Variants in C18orf63 observed in about 807,000 individuals in gnomAD.
The protein encoded by C18orf63 is uncharacterized protein C18orf63.
A neutral mutation model predicts 75.3 loss-of-function variants in C18orf63; 50 were observed. The ratio of observed to expected loss-of-function variants is 0.66; its 90% CI spans 0.53 to 0.84. The LOEUF (loss-of-function observed/expected upper bound fraction) is 0.84. Among genes scored for constraint, C18orf63 ranks in the 40% least tolerant of loss-of-function variants. The pLI, the probability that C18orf63 is intolerant of heterozygous loss-of-function variation, is 0.00. For missense variants in C18orf63, 732 were observed against 800.2 expected (o/e 0.91, Z 1.03); for synonymous variants, 232 against 267.6 (o/e 0.87, Z 1.30).
In C18orf63 at chr18:74,322,699, T is replaced by A. The variant is rs941574307; in HGVS notation, c.215T>A (p.Ile72Lys). 1 of 1,281,700 alleles carries A rather than the reference T, an allele frequency of 7.8e-7. No individual in the cohort carries two copies. The highest frequency in any genetic ancestry group is 1.5e-5 in the African/African-American group (1 of 67,486). The allele number at this position is 1,281,700 out of a possible 1,614,324, so 79.4% of individuals were successfully genotyped here. A position where few individuals can be genotyped will look rare whatever the true frequency, so the allele number is the denominator to read the frequency against. The change falls in exon 4 of 14, where the codon ATA becomes AAA. Residue 72 changes from isoleucine to lysine, a missense_variant and splice_region_variant. Coordinates refer to ENST00000579455, the MANE Select transcript of C18orf63 (RefSeq NM_001174123.2). ...TATAAATGTGGATTTTTGTTACAGATACCATTTTATAAAGCAAGAAAACTT... is the reference window on the plus strand; with the variant it reads ...TATAAATGTGGATTTTTGTTACAGAAACCATTTTATAAAGCAAGAAAACTT... ...ILNQIWVVMA[I>K]PFYKARKLNA...
Position 74,344,827 on chromosome 18 carries a change from GA to G in C18orf63, c.978+1127del, listed in dbSNP as rs1242222073. On this transcript the variant is annotated intron_variant, in intron 11 of 13. Transcript: ENST00000579455. Reference sequence around the variant, plus strand: ...GCAATTTATTCAGAATATTATTGATGAATATTTGGATTGTTTCTCTTTGGAG... The same window carrying G: ...GCAATTTATTCAGAATATTATTGATGATATTTGGATTGTTTCTCTTTGGAG... 5.9e-5 allele frequency among the ~76,000 whole-genome samples: 9 copies of G among 152,116 alleles called. No individual in the cohort carries two copies. The East Asian group carries it at 1.7e-3, about 29-fold the overall frequency.
In C18orf63 at chr18:74,358,367, A is replaced by G. The variant is rs932135864; in HGVS notation, c.*1920A>G. The G allele has an allele frequency of 3.9e-5, 6 of 152,112 alleles. No individual in the cohort carries two copies. The highest frequency in any genetic ancestry group is 1.4e-4 in the African/African-American group (6 of 41,408). 9.4% of individuals were successfully genotyped at this position (152,112 alleles called of 1,614,324 possible). ...ATGAAAGTTATAAAAATATATGCATATATTTATATGTGAGATTTAATATAG... is the reference window on the plus strand; with the variant it reads ...ATGAAAGTTATAAAAATATATGCATGTATTTATATGTGAGATTTAATATAG... On this transcript the variant is annotated 3_prime_UTR_variant, in exon 14 of 14. Coordinates refer to ENST00000579455, the MANE Select transcript of C18orf63 (RefSeq NM_001174123.2).
At chr18:74,351,122 A>G (rs1984659238) in intron 11 of C18orf63, among the ~76,000 whole-genome samples, 1 of 152,196 alleles carries the variant, frequency 6.6e-6, no homozygotes, top group Admixed American at 6.5e-5. Flanking sequence ...CCAGATAAGA[A>G]ATGAATCCCA....
At chr18:74,355,512 G>T (rs189468770) in intron 13 of C18orf63, among the ~76,000 whole-genome samples, 2 of 152,044 alleles carry the variant, frequency 1.3e-5, no homozygotes, top group Admixed American at 6.6e-5. Context: ...CAGGAGGGGG[G>T]GCTTACACCT....
At chr18:74,328,192 T>G (rs959394768) in intron 5 of C18orf63, 134 bp downstream of exon 5, 6 of 596,030 alleles carry the variant, frequency 1.0e-5, no homozygotes, top group Non-Finnish European at 1.8e-5. Context: ...GTTTAGTGGA[T>G]TCACAGTTCC....
Position 74,337,155 on chromosome 18 carries a change from C to T in C18orf63, c.502-1560C>T, listed in dbSNP as rs551096403. 3.0e-4 allele frequency among the ~76,000 whole-genome samples: 45 copies of T among 152,076 alleles called. No homozygotes were observed. The East Asian group carries it at 4.1e-3, about 14-fold the overall frequency. On this transcript the variant is annotated intron_variant, in intron 7 of 13. Coordinates refer to ENST00000579455, the MANE Select transcript of C18orf63 (RefSeq NM_001174123.2). The stretch of plus-strand genomic sequence containing the variant: ...ATTAAGTCTAAATTGTTCAGATTGG[C>T]GTTATAAGGAGAAAATAATATTTAT...
At chr18:74,345,220 T>C (rs796347889) in intron 11 of C18orf63, among the ~76,000 whole-genome samples, 1 of 146,754 alleles carries the variant, frequency 6.8e-6, no homozygotes, top group Non-Finnish European at 1.5e-5. Context: ...TCTACTGTGT[T>C]ACGTGTTTGT....
intron 7 of C18orf63, among the ~76,000 whole-genome samples, chr18:74,336,397 G>A (rs1599005159): frequency 6.6e-6 from 1 of 152,076 alleles, no homozygotes. Flanking sequence ...AAAAGAAAAT[G>A]TCTGAGGGAA....
Position 74,353,846 on chromosome 18 carries a change from T to C in C18orf63, c.1579T>C (p.Ser527Pro), listed in dbSNP as rs757662988. The C allele has an allele frequency of 4.6e-6, 7 of 1,536,012 alleles. No individual in the cohort carries two copies. The South Asian group carries it at 8.3e-5, about 18-fold the overall frequency. The change falls in exon 12 of 14, where the codon TCT (serine) becomes CCT (proline). Residue 527 changes from serine (S) to proline (P), a missense_variant. By Grantham distance (74) the Ser-to-Pro change is moderately conservative (BLOSUM62 -1). This residue lies in a region of C18orf63 where 495 missense variants were observed against 508.7 expected (regional missense o/e 0.97). Coordinates refer to ENST00000579455, the MANE Select transcript of C18orf63 (RefSeq NM_001174123.2). ...TTCTGAAAATATGACAAAATTTCCC[T>C]CTTCTCGTGGAAAATCGACTGTGAG... ...ESSENMTKFP[S>P]SRGKSTVSLN...
intron 10 of C18orf63, among the ~76,000 whole-genome samples, chr18:74,342,962 GT>G (rs1386195035): frequency 6.6e-6 from 1 of 152,026 alleles, no homozygotes; most frequent in Admixed American, 6.5e-5. Context: ...TGCGTTCTTT[GT>G]TTCCTAAGCC....
Position 74,353,965 on chromosome 18 carries a change from G to T in C18orf63, c.1698G>T (p.Met566Ile), listed in dbSNP as rs747970356. The T allele has an allele frequency of 9.1e-6, 14 of 1,536,204 alleles. No homozygotes were observed. The South Asian group carries it at 1.7e-4, about 18-fold the overall frequency. The part of the protein sequence containing the change: ...GVVKSAVDFQ[M>I]KGKENLTGKG... ...TAAAAAGTGCTGTTGACTTCCAAAT[G>T]AAAGGAAAAGAAAATTTAACAGGCA... The change falls in exon 12 of 14, where the codon ATG becomes ATT. Residue 566 changes from methionine (M) to isoleucine (I), a missense_variant. By Grantham distance (10) the Met-to-Ile change is conservative. Around this residue, in one of 3 missense-constraint regions of C18orf63, gnomAD observed 495 missense variants for 508.7 expected, o/e 0.97. Coordinates refer to ENST00000579455, the MANE Select transcript of C18orf63 (RefSeq NM_001174123.2).
rs1263277813 is a variant in C18orf63 at position 74,353,608 on chromosome 18, C to T, written c.1341C>T (p.Asn447=). Residue 447 remains asparagine (N), a synonymous_variant, in exon 12 of 14, where the codon AAC becomes AAT. Transcript: ENST00000579455. ...TCAAAAATAGATTGTTACAAATGAA[C>T]AAAAATACCTCAGTACTTGGCAGCC... ...PVFKNRLLQM[N]KNTSVLGSPK... 21 of 1,536,018 alleles carry T rather than the reference C, an allele frequency of 1.4e-5. No individual in the cohort carries two copies. The highest frequency in any genetic ancestry group is 1.8e-5 in the Non-Finnish European group (21 of 1,146,872).
rs187988112 is a variant in C18orf63 at position 74,353,194 on chromosome 18, T to C, written c.979-52T>C. On this transcript the variant is annotated intron_variant, in intron 11 of 13. Transcript: ENST00000579455. ...TACTTTATATTTTATTTCTTTTCCATTAAGGACATTATTAACATTTTAAAT... is the reference window on the plus strand; with the variant it reads ...TACTTTATATTTTATTTCTTTTCCACTAAGGACATTATTAACATTTTAAAT... The C allele has an allele frequency of 1.6e-4, 183 of 1,111,690 alleles. 2 individuals are homozygous for C. In the East Asian group the frequency reaches 4.2e-3, roughly 26 times the overall value. The allele number at this position is 1,111,690 out of a possible 1,614,324, so 68.9% of individuals were successfully genotyped here. A position where few individuals can be genotyped will look rare whatever the true frequency, so the allele number is the denominator to read the frequency against.
At chr18:74,355,593 C>A (rs1416894313) in intron 13 of C18orf63, among the ~76,000 whole-genome samples, 4 of 152,008 alleles carry the variant, frequency 2.6e-5, no homozygotes, top group African/African-American at 9.7e-5. Flanking sequence ...CCAGCCTGGG[C>A]AACATGGGTG....
rs1004661351 is a variant in C18orf63, at chr18:74,353,862, C to T, written c.1595C>T (p.Ser532Leu). The T allele has an allele frequency of 2.0e-5, 30 of 1,535,886 alleles. 1 individual carries two copies. Among genetic ancestry groups the T allele is most frequent in the Middle Eastern group, 3.3e-4 (2 of 5,988 alleles). Residue 532 changes from serine to leucine, a missense_variant, in exon 12 of 14, where the codon TCG becomes TTG. By Grantham distance (145) the Ser-to-Leu change is moderately radical. Coordinates refer to ENST00000579455, the MANE Select transcript of C18orf63 (RefSeq NM_001174123.2). ...MTKFPSSRGK[S>L]TVSLNKNKQL... ...AAATTTCCCTCTTCTCGTGGAAAAT[C>T]GACTGTGAGTTTAAACAAAAATAAG...
Position 74,358,122 on chromosome 18 carries a change from A to G in C18orf63, c.*1675A>G, listed in dbSNP as rs900650383. 3 of 152,178 alleles carry G rather than the reference A, an allele frequency of 2.0e-5. No individual in the cohort carries two copies. The highest frequency in any genetic ancestry group is 7.2e-5 in the African/African-American group (3 of 41,440). The allele number at this position is 152,178 out of a possible 1,614,324, so 9.4% of individuals were successfully genotyped here. A position where few individuals can be genotyped will look rare whatever the true frequency, so the allele number is the denominator to read the frequency against. ...ATTATTACACTGAGCAAAATAATGA[A>G]AACCATACATCCACTGCTGAAGTGG... On this transcript the variant is annotated 3_prime_UTR_variant, in exon 14 of 14. Transcript: ENST00000579455.
At chr18:74,355,758 A>AGT (rs1262555782) in intron 13 of C18orf63, among the ~76,000 whole-genome samples, 21 of 152,126 alleles carry the variant, frequency 1.4e-4, no homozygotes, top group Admixed American at 1.2e-3. Flanking sequence ...CTTCTCTACT[A>AGT]AAAGTACAAA....
chr18:74,354,561 A>G lies in C18orf63; in HGVS notation c.*33+15A>G. 8.3e-7 allele frequency: 1 copy of G among 1,203,252 alleles called. No homozygotes were observed. Among genetic ancestry groups the G allele is most frequent in the Non-Finnish European group, 1.2e-6 (1 of 865,874 alleles). The allele number at this position is 1,203,252 out of a possible 1,614,324, so 74.5% of individuals were successfully genotyped here. A position where few individuals can be genotyped will look rare whatever the true frequency, so the allele number is the denominator to read the frequency against. ...ATGTCTACCAGGTAACTGAAGTGATAGCTTTTGATTTGTTTTTACATTATC... is the reference window on the plus strand; with the variant it reads ...ATGTCTACCAGGTAACTGAAGTGATGGCTTTTGATTTGTTTTTACATTATC... On this transcript the variant is annotated intron_variant, in intron 13 of 13. Transcript: ENST00000579455.
At chr18:74,318,085 TACTC>T (rs1984057048) in intron 2 of C18orf63, 86 bp downstream of exon 2, 4 of 795,454 alleles carry the variant, frequency 5.0e-6, no homozygotes, top group Non-Finnish European at 5.3e-6. Context: ...TAAAGCAAAA[TACTC>T]ATTCACTCAA....
Sources: gnomAD v4.1 joint callset for allele counts (sites outside exome capture counted in the v4.1 genomes callset) on GRCh38, gnomAD v4.1.1 for gene constraint, gnomAD v4.1.1 regional missense constraint, MANE v1.5 for transcripts, NCBI Gene and HGNC (gene_info 2026-07-23, HGNC 2026-07-21) for gene names.